DLGAP2: variants seen among roughly 807,000 people sequenced by gnomAD.
The protein encoded by DLGAP2 is DLG associated protein 2.
A neutral mutation model predicts 100.3 loss-of-function variants in DLGAP2; 26 were observed. That is an observed-to-expected ratio of 0.26 (90% CI 0.19 to 0.36). The LOEUF is 0.36. Ranked by LOEUF, DLGAP2 falls within the 10% of genes least tolerant of loss-of-function variation. The pLI is 1.00. For missense variants in DLGAP2, 1,858 were observed against 1,453.2 expected (o/e 1.28, Z -4.53); for synonymous variants, 886 against 630.1 (o/e 1.41, Z -6.08).
At chr8:1,699,762 T>C (rs1353070761) in intron 14 of DLGAP2, among the ~76,000 whole-genome samples, 4 of 152,212 alleles carry the variant, frequency 2.6e-5, no homozygotes, top group Non-Finnish European at 5.9e-5. Flanking sequence ...AAAAATTCCC[T>C]GGGATGGGCC....
intron 1 of DLGAP2, among the ~76,000 whole-genome samples, chr8:865,323 C>T (rs1012668492): frequency 6.6e-6 from 1 of 152,202 alleles, no homozygotes; most frequent in Non-Finnish European, 1.5e-5. Flanking sequence ...AAACGCTGAG[C>T]TCATGCCACA....
At position 1,659,798 on chromosome 8, in the gene DLGAP2, T is replaced by G. The variant is rs1225960896; in HGVS notation, c.1811-8531T>G. 3.9e-5 allele frequency among the ~76,000 whole-genome samples: 6 copies of G among 152,352 alleles called. No homozygotes were observed. In the South Asian group the frequency reaches 1.2e-3, roughly 32 times the overall value. On this transcript the variant is annotated intron_variant, in intron 8 of 14. Coordinates refer to ENST00000637795, the MANE Select transcript of DLGAP2 (RefSeq NM_001346810.2). ...TGATGGGTCTTGACTCTTTATCCAG[T>G]TTGCCATTCTGTGTCTTTTAACTGG...
intron 3 of DLGAP2, among the ~76,000 whole-genome samples, chr8:1,408,739 C>A (rs1196063423): frequency 2.0e-5 from 3 of 152,110 alleles, no homozygotes; most frequent in African/African-American, 4.8e-5. Context: ...AAAGCAGAAC[C>A]CGGGAAAGCC....
chr8:932,352 T>C (rs1337634681), intron 2 of DLGAP2, among the ~76,000 whole-genome samples: 2 of 152,238 alleles, frequency 1.3e-5, no homozygotes, highest in Admixed American at 6.5e-5. Context: ...CCGGTTCTTT[T>C]CTTCTTATGA....
chr8:779,807 C>T (rs575839995), intron 1 of DLGAP2, among the ~76,000 whole-genome samples: 1 of 152,110 alleles, frequency 6.6e-6, no homozygotes, highest in Admixed American at 6.5e-5. Context: ...GCATAGTCTT[C>T]CAGTCTTGCC....
intron 12 of DLGAP2, among the ~76,000 whole-genome samples, chr8:1,690,237 T>C (rs1213247769): frequency 4.0e-5 from 6 of 151,560 alleles, no homozygotes; most frequent in African/African-American, 1.5e-4. Flanking sequence ...GCACCTGTAA[T>C]CCCAGCTACT....
At chr8:1,115,229 G>T (rs1440052350) in intron 2 of DLGAP2, among the ~76,000 whole-genome samples, 1 of 152,202 alleles carries the variant, frequency 6.6e-6, no homozygotes, top group Non-Finnish European at 1.5e-5. Flanking sequence ...GTGGAGTTCA[G>T]ATCCTGAATA....
intron 4 of DLGAP2, among the ~76,000 whole-genome samples, chr8:1,527,027 G>T (rs972449845): frequency 6.6e-6 from 1 of 152,100 alleles, no homozygotes; most frequent in African/African-American, 2.4e-5. Flanking sequence ...TACATTGCAG[G>T]CTCACGTTCA....
chr8:813,857 T>C (rs960157364), intron 1 of DLGAP2, among the ~76,000 whole-genome samples: 3 of 152,180 alleles, frequency 2.0e-5, no homozygotes, highest in Non-Finnish European at 4.4e-5. Flanking sequence ...TGCCTCTCAA[T>C]GTTCTTCTGC....
rs1324978453 is a variant in DLGAP2 at position 1,171,693 on chromosome 8, C to G, written c.74-87158C>G. 2.6e-5 allele frequency among the ~76,000 whole-genome samples: 4 copies of G among 152,114 alleles called. No individual in the cohort carries two copies. In the East Asian group the frequency reaches 5.8e-4, roughly 22 times the overall value. On this transcript the variant is annotated intron_variant, in intron 2 of 14. Transcript: ENST00000637795. ...GGTTTAAAATCTGTTTTATCAGAGA[C>G]TAGGATTGCAACCCCTGCCTTTTTT... is the stretch of plus-strand genomic sequence containing the variant.
At chr8:1,076,403 G>C (rs1803611786) in intron 2 of DLGAP2, among the ~76,000 whole-genome samples, 1 of 152,230 alleles carries the variant, frequency 6.6e-6, no homozygotes, top group South Asian at 2.1e-4. Flanking sequence ...TTCCATGCAG[G>C]AGACGTACGG....
Position 1,013,630 on chromosome 8 carries a change from G to A in DLGAP2, c.73+105664G>A, listed in dbSNP as rs529216687. Among the ~76,000 whole-genome samples, 381 of 126,998 alleles carry A rather than the reference G, an allele frequency of 3.0e-3. 9 individuals carry two copies. The highest frequency in any genetic ancestry group is 0.013 in the African/African-American group (302 of 23,962). 83.3% of individuals were successfully genotyped at this position (126,998 alleles called of 152,430 possible). ...ACTGTGTGTGTGACCAGGACAGACG[G>A]TGCCTCCACTGTGTGTGTGACCAGG... is the stretch of plus-strand genomic sequence containing the variant. On this transcript the variant is annotated intron_variant, in intron 2 of 14. Transcript: ENST00000637795.
intron 9 of DLGAP2, among the ~76,000 whole-genome samples, chr8:1,669,375 G>A (rs1249788453): frequency 6.6e-6 from 1 of 152,234 alleles, no homozygotes; most frequent in African/African-American, 2.4e-5. Flanking sequence ...CTGCAAGTCT[G>A]TTTTAGGTGC....
At chr8:827,777 G>C (rs937479305) in intron 1 of DLGAP2, among the ~76,000 whole-genome samples, 1 of 152,202 alleles carries the variant, frequency 6.6e-6, no homozygotes, top group Non-Finnish European at 1.5e-5. Context: ...CAGAGACAAA[G>C]ACTATGTGGA....
At chr8:917,384 G>A (rs1798616944) in intron 2 of DLGAP2, among the ~76,000 whole-genome samples, 1 of 151,886 alleles carries the variant, frequency 6.6e-6, no homozygotes, top group Non-Finnish European at 1.5e-5. Flanking sequence ...GACTACAGGT[G>A]TGCGCCACCA....
At chr8:809,963 G>T (rs1374057206) in intron 1 of DLGAP2, among the ~76,000 whole-genome samples, 1 of 152,206 alleles carries the variant, frequency 6.6e-6, no homozygotes, top group African/African-American at 2.4e-5. Flanking sequence ...AGAAAGCCTG[G>T]ACTGCGGTCA....
intron 2 of DLGAP2, among the ~76,000 whole-genome samples, chr8:1,251,699 G>C (rs549270566): frequency 6.6e-6 from 1 of 152,302 alleles, no homozygotes; most frequent in East Asian, 1.9e-4. Context: ...CGTGGAGTCA[G>C]GTCATCATGT....
chr8:1,161,812 C>G (rs1025629663), intron 2 of DLGAP2, among the ~76,000 whole-genome samples: 20 of 143,144 alleles, frequency 1.4e-4, no homozygotes, highest in Admixed American at 1.3e-3. Flanking sequence ...TGGGGATAGA[C>G]AGAGGCCACA....
intron 1 of DLGAP2, among the ~76,000 whole-genome samples, chr8:769,510 T>A (rs1483706322): frequency 6.6e-6 from 1 of 152,174 alleles, no homozygotes; most frequent in Non-Finnish European, 1.5e-5. Flanking sequence ...CCTTTTAGTG[T>A]TGCTCCTTTT....
Sources: gnomAD v4.1 joint callset for allele counts (sites outside exome capture counted in the v4.1 genomes callset) on GRCh38, gnomAD v4.1.1 for gene constraint, MANE v1.5 for transcripts, NCBI Gene and HGNC (gene_info 2026-07-23, HGNC 2026-07-21) for gene names.